TAS1R1: variants seen among roughly 807,000 people sequenced by gnomAD.
TAS1R1 encodes taste 1 receptor member 1.
Under a neutral mutation model 45.8 loss-of-function variants are expected in TAS1R1, and 31 were observed. The observed-to-expected ratio is 0.68, with a 90% CI of 0.51 to 0.91. The LOEUF is 0.91. Ranked by LOEUF, TAS1R1 falls within the 40% of genes least tolerant of loss-of-function variation. The pLI is 0.00. For missense variants in TAS1R1, 1,051 were observed against 1,063.9 expected, an observed-to-expected ratio of 0.99 and a Z score of 0.17; for synonymous variants, 437 against 448.4, an observed-to-expected ratio of 0.97 and a Z score of 0.32.
intron 1 of TAS1R1, 25 bp from the exon 2 acceptor site, chr1:6,570,884 T>G: frequency 6.4e-7 from 1 of 1,570,206 alleles, no homozygotes; most frequent in Non-Finnish European, 8.6e-7. Flanking sequence ...CCTTCTCAGC[T>G]GTCTCTTACT....
chr1:6,573,883 G>A (rs904538994), intron 2 of TAS1R1, among the ~76,000 whole-genome samples: 3 of 151,818 alleles, frequency 2.0e-5, no homozygotes, highest in Admixed American at 6.6e-5. Context: ...CAGGCTGGTC[G>A]CAAACTCCTA....
At chr1:6,568,083 G>T (rs1356636608) in intron 1 of TAS1R1, among the ~76,000 whole-genome samples, 1 of 152,096 alleles carries the variant, frequency 6.6e-6, no homozygotes, top group Non-Finnish European at 1.5e-5. Context: ...TGTGGGGTTT[G>T]AGGGCCATCT....
intron 1 of TAS1R1, among the ~76,000 whole-genome samples, chr1:6,556,011 A>G (rs1239519416): frequency 1.3e-5 from 2 of 151,640 alleles, no homozygotes; most frequent in Non-Finnish European, 3.0e-5. Flanking sequence ...AGCTGGGACT[A>G]CAGGCACCCG....
chr1:6,569,570 G>C (rs904982416), intron 1 of TAS1R1, among the ~76,000 whole-genome samples: 4 of 152,284 alleles, frequency 2.6e-5, no homozygotes, highest in Admixed American at 2.0e-4. Context: ...GACACCCAAG[G>C]GGGGTGGTCT....
At position 6,570,978 on chromosome 1, in the gene TAS1R1, C is replaced by A. The variant is rs1441921866; in HGVS notation, c.261C>A (p.Asn87Lys). 2 of 1,614,042 alleles carry A rather than the reference C, an allele frequency of 1.2e-6. No homozygotes were observed. Among genetic ancestry groups the A allele is most frequent in the South Asian group, 2.2e-5 (2 of 91,068 alleles). The change falls in exon 2 of 6, where the codon AAC becomes AAA. Residue 87 changes from asparagine (N) to lysine (K), a missense_variant. By Grantham distance (94) the Asn-to-Lys change is moderately conservative. Transcript: ENST00000333172. ...QAMRLGVEEI[N>K]NSTALLPNIT... Reference sequence around the variant, plus strand: ...TGCGGCTTGGGGTTGAGGAGATAAACAACTCCACGGCCCTGCTGCCCAACA... The same window carrying A: ...TGCGGCTTGGGGTTGAGGAGATAAAAAACTCCACGGCCCTGCTGCCCAACA...
At chr1:6,568,215 T>C (rs751168071) in intron 1 of TAS1R1, among the ~76,000 whole-genome samples, 1 of 151,928 alleles carries the variant, frequency 6.6e-6, no homozygotes, top group Non-Finnish European at 1.5e-5. Context: ...TTTGGGAGGC[T>C]GAGGTGGGCG....
At chr1:6,555,974 C>T (rs1283958858) in intron 1 of TAS1R1, among the ~76,000 whole-genome samples, 2 of 143,882 alleles carry the variant, frequency 1.4e-5, no homozygotes, top group African/African-American at 5.0e-5. Context: ...CGGGTTCACG[C>T]CATTCTCCTG....
At position 6,574,278 on chromosome 1, in the gene TAS1R1, C is replaced by G. The variant is rs1418712907; in HGVS notation, c.499-353C>G. ...TCCTCCTGTGAGGCCCGGTTCCTAA[C>G]AGGCCACTGACCTAACTTCTGCCCT... On this transcript the variant is annotated intron_variant, in intron 2 of 5. Transcript: ENST00000333172. This position sits in a 1 kb window ranked among gnomAD's most constrained non-coding sequence, Gnocchi z 4.3. Among the ~76,000 whole-genome samples the G allele has an allele frequency of 6.6e-6, 1 of 152,160 alleles. No individual in the cohort carries two copies.
At chr1:6,570,806 C>T (rs911673511) in intron 1 of TAS1R1, 103 bp from the exon 2 acceptor site, 45 of 1,070,808 alleles carry the variant, frequency 4.2e-5, no homozygotes, top group Non-Finnish European at 5.8e-5. Context: ...GGACCGATGA[C>T]CTCAAAGGTT....
At position 6,574,009 on chromosome 1, in the gene TAS1R1, AG is replaced by A. The variant is rs766951670; in HGVS notation, c.499-621del. On this transcript the variant is annotated intron_variant, in intron 2 of 5. Transcript: ENST00000333172. The surrounding 1 kb of genome is among the most constrained non-coding windows in gnomAD (Gnocchi z 4.3). ...ATAATTATACAACTCACCATAATGT[AG>A]AATCAGTGGGAGCCCTGAGCTTGTT... is the stretch of plus-strand genomic sequence containing the variant. Among the ~76,000 whole-genome samples, 8 of 152,304 alleles carry A rather than the reference AG, an allele frequency of 5.3e-5. No individual in the cohort carries two copies. Among genetic ancestry groups the A allele is most frequent in the Admixed American group, 3.9e-4 (6 of 15,294 alleles).
At chr1:6,558,683 C>A (rs369683618) in intron 1 of TAS1R1, among the ~76,000 whole-genome samples, 1 of 152,000 alleles carries the variant, frequency 6.6e-6, no homozygotes, top group East Asian at 2.0e-4. Context: ...TCGTGCACTC[C>A]AGCCTGGGTT....
At chr1:6,569,675 G>A (rs944059458) in intron 1 of TAS1R1, among the ~76,000 whole-genome samples, 3 of 152,092 alleles carry the variant, frequency 2.0e-5, no homozygotes, top group Non-Finnish European at 4.4e-5. Flanking sequence ...GGGAGAGGGC[G>A]TCCTGTGTCC....
At chr1:6,568,267 G>C (rs1231791603) in intron 1 of TAS1R1, among the ~76,000 whole-genome samples, 1 of 151,880 alleles carries the variant, frequency 6.6e-6, no homozygotes, top group Non-Finnish European at 1.5e-5. Flanking sequence ...GGCTAACATG[G>C]TGAAACCCCA....
chr1:6,575,317 G>A lies in TAS1R1; in HGVS notation c.1185G>A (p.Ala395=), dbSNP rs374362386. ...SAYNAYRAVY[A]VAHGLHQLLG... The stretch of plus-strand genomic sequence containing the variant: ...ACAACGCATACCGGGCTGTGTATGC[G>A]GTGGCCCATGGCCTCCACCAGCTCC... Residue 395 remains alanine (A), a synonymous_variant, in exon 3 of 6, where the codon GCG becomes GCA. Transcript: ENST00000333172. 1.4e-4 allele frequency: 222 copies of A among 1,612,048 alleles called. No homozygotes were observed. Among genetic ancestry groups the A allele is most frequent in the South Asian group, 6.3e-4 (57 of 90,990 alleles).
intron 1 of TAS1R1, among the ~76,000 whole-genome samples, chr1:6,559,347 TG>T (rs1301049886): frequency 6.6e-6 from 1 of 151,896 alleles, no homozygotes; most frequent in African/African-American, 2.4e-5. Context: ...ATTTTTTAGA[TG>T]TAGTAAACAT....
intron 5 of TAS1R1, 127 bp downstream of exon 5, chr1:6,577,197 G>A (rs1640203694): frequency 7.1e-7 from 1 of 1,405,970 alleles, no homozygotes. Context: ...CTGCCAGTTA[G>A]CTTCAGGTTG....
chr1:6,570,866 G>A (rs1369497771), intron 1 of TAS1R1, 43 bp from the exon 2 acceptor site: 2 of 1,541,728 alleles, frequency 1.3e-6, no homozygotes, highest in East Asian at 2.3e-5. Context: ...GTCTCAGCAG[G>A]CCTTTGTCCT....
chr1:6,559,730 G>A (rs1473722316), intron 1 of TAS1R1, among the ~76,000 whole-genome samples: 1 of 151,062 alleles, frequency 6.6e-6, no homozygotes, highest in Non-Finnish European at 1.5e-5. Flanking sequence ...TACTTTGGGA[G>A]GCTGAAGCAG....
chr1:6,577,186 G>C, intron 5 of TAS1R1, 116 bp downstream of exon 5: 1 of 1,464,134 alleles, frequency 6.8e-7, no homozygotes, highest in Non-Finnish European at 9.2e-7. Context: ...CAGTCACTGG[G>C]CTGCCAGTTA....
Sources: gnomAD v4.1 joint callset for allele counts (sites outside exome capture counted in the v4.1 genomes callset) on GRCh38, gnomAD v4.1.1 for gene constraint, Gnocchi (gnomAD v3.1) non-coding constraint, MANE v1.5 for transcripts, NCBI Gene and HGNC (gene_info 2026-07-23, HGNC 2026-07-21) for gene names.